NEDD9: variants seen among roughly 807,000 people sequenced by gnomAD.
NEDD9 encodes neural precursor cell expressed, developmentally down-regulated 9, also known as enhancer of filamentation 1.
A neutral mutation model predicts 76.6 loss-of-function variants in NEDD9; 26 were observed. That is an observed-to-expected ratio of 0.34 (90% CI 0.25 to 0.47). The LOEUF (loss-of-function observed/expected upper bound fraction) is 0.47. NEDD9 is among the 20% of genes least tolerant of loss of function. The pLI is 1.00. For synonymous variants in NEDD9, 392 were observed against 414.2 expected (o/e 0.95, Z 0.65); for missense variants, 937 against 1,058.5 (o/e 0.89, Z 1.59).
intron 2 of NEDD9, among the ~76,000 whole-genome samples, chr6:11,316,961 T>C (rs1392626865): frequency 2.6e-5 from 4 of 152,222 alleles, no homozygotes; most frequent in African/African-American, 9.6e-5. Context: ...ATGCGGCATG[T>C]TAAGTTCCAG....
At chr6:11,279,921 G>T (rs1434396447) in intron 3 of NEDD9, among the ~76,000 whole-genome samples, 1 of 152,146 alleles carries the variant, frequency 6.6e-6, no homozygotes, top group Non-Finnish European at 1.5e-5. Flanking sequence ...AAACAAAGAT[G>T]TCCCAGAGAA....
chr6:11,378,630 CT>C (rs373826875), intron 1 of NEDD9, among the ~76,000 whole-genome samples: 1 of 152,042 alleles, frequency 6.6e-6, no homozygotes, highest in Non-Finnish European at 1.5e-5. Context: ...CTTATATATA[CT>C]TTTTTGTAGT....
chr6:11,262,359 G>C (rs913841840), intron 3 of NEDD9, among the ~76,000 whole-genome samples: 1 of 152,196 alleles, frequency 6.6e-6, no homozygotes, highest in Non-Finnish European at 1.5e-5. Context: ...CATTCTACTG[G>C]CCTAGCTGAA....
At chr6:11,361,179 C>T (rs1386982080) in intron 1 of NEDD9, among the ~76,000 whole-genome samples, 1 of 152,128 alleles carries the variant, frequency 6.6e-6, no homozygotes, top group Non-Finnish European at 1.5e-5. Context: ...GCTCAGACAG[C>T]AGTGTCAGGG....
chr6:11,330,172 A>G (rs902329739), intron 2 of NEDD9, among the ~76,000 whole-genome samples: 3 of 152,186 alleles, frequency 2.0e-5, no homozygotes, highest in Non-Finnish European at 4.4e-5. Context: ...ACGAGTCCAT[A>G]CAGCGGGAGC....
At chr6:11,326,464 T>C (rs955875706) in intron 2 of NEDD9, among the ~76,000 whole-genome samples, 4 of 152,268 alleles carry the variant, frequency 2.6e-5, no homozygotes, top group Non-Finnish European at 5.9e-5. Context: ...TACATTTTCT[T>C]ATGGGAAATA....
At chr6:11,224,355 G>A (rs1401317598) in intron 1 of NEDD9, among the ~76,000 whole-genome samples, 8 of 152,132 alleles carry the variant, frequency 5.3e-5, no homozygotes, top group East Asian at 3.8e-4. Context: ...GGAGGCTGTC[G>A]GGCTGCGTTC....
intron 5 of NEDD9, among the ~76,000 whole-genome samples, chr6:11,188,679 T>C (rs1758043029): frequency 2.0e-5 from 3 of 152,166 alleles, no homozygotes; most frequent in Admixed American, 6.5e-5. Flanking sequence ...CCTCAAATCA[T>C]CTATAGATTT....
chr6:11,232,421 A>G, intron 1 of NEDD9, 83 bp downstream of exon 1: 1 of 1,536,144 alleles, frequency 6.5e-7, no homozygotes, highest in Non-Finnish European at 9.0e-7. Context: ...AGGGACTGAC[A>G]GTAAGGAACA....
chr6:11,344,161 G>T (rs114433095), intron 1 of NEDD9, among the ~76,000 whole-genome samples: 3 of 152,138 alleles, frequency 2.0e-5, no homozygotes, highest in Non-Finnish European at 4.4e-5. Context: ...TGACACTTGG[G>T]TTGCATACAT....
At chr6:11,261,041 A>G (rs1241316701) in intron 3 of NEDD9, among the ~76,000 whole-genome samples, 1 of 152,172 alleles carries the variant, frequency 6.6e-6, no homozygotes, top group African/African-American at 2.4e-5. Context: ...GACTATAAAA[A>G]CGAAGCCATT....
intron 1 of NEDD9, among the ~76,000 whole-genome samples, chr6:11,372,726 A>T (rs181222408): frequency 6.6e-6 from 1 of 152,220 alleles, no homozygotes; most frequent in East Asian, 1.9e-4. Context: ...TGTAGTTTTG[A>T]TTTGCATTTC....
At chr6:11,192,561 T>G (rs1007551338) in intron 3 of NEDD9, 115 bp from the exon 4 acceptor site, 1 of 682,316 alleles carries the variant, frequency 1.5e-6, no homozygotes, top group South Asian at 1.9e-5. Flanking sequence ...AAGCTTGATC[T>G]TTGGCAGTGC....
chr6:11,368,585 C>A (rs1220877911), intron 1 of NEDD9, among the ~76,000 whole-genome samples: 1 of 152,194 alleles, frequency 6.6e-6, no homozygotes, highest in Non-Finnish European at 1.5e-5. Context: ...GAAGGGTCTA[C>A]AGAATAATAA....
intron 3 of NEDD9, among the ~76,000 whole-genome samples, chr6:11,247,552 T>G (rs2113300368): frequency 6.6e-6 from 1 of 152,284 alleles, no homozygotes; most frequent in South Asian, 2.1e-4. Flanking sequence ...CAGAACTTTT[T>G]CATCACTCCA....
chr6:11,359,616 C>A (rs1561847096), intron 1 of NEDD9, among the ~76,000 whole-genome samples: 1 of 152,240 alleles, frequency 6.6e-6, no homozygotes, highest in Non-Finnish European at 1.5e-5. Context: ...AGAAGGATGA[C>A]TGGAAGTCAT....
intron 2 of NEDD9, among the ~76,000 whole-genome samples, chr6:11,329,066 A>G (rs908532089): frequency 3.3e-5 from 5 of 152,204 alleles, no homozygotes; most frequent in African/African-American, 1.2e-4. Context: ...GCATGACATC[A>G]TGTTCAGGAG....
At chr6:11,206,236 T>C (rs1268793417) in intron 2 of NEDD9, among the ~76,000 whole-genome samples, 6 of 151,976 alleles carry the variant, frequency 3.9e-5, no homozygotes, top group Non-Finnish European at 5.9e-5. Context: ...CTGACCAATA[T>C]GATGAAACCC....
At position 11,185,252 on chromosome 6, in the gene NEDD9, C is replaced by T. The variant is rs775371935; in HGVS notation, c.2415G>A (p.Thr805=). 1.9e-6 allele frequency: 3 copies of T among 1,613,938 alleles called. No homozygotes were observed. The highest frequency in any genetic ancestry group is 1.1e-5 in the South Asian group (1 of 91,076). ...KMAALHYPST[T]ALQEMVHQVT... ...CTTGGTGCACCATTTCCTGCAGGGC[C>T]GTGGTGCTGGGGTAATGGAGGGCGG... The change falls in exon 7 of 7, where the codon ACG becomes ACA. Residue 805 remains threonine, a synonymous_variant. Coordinates refer to ENST00000379446, the MANE Select transcript of NEDD9 (RefSeq NM_006403.4).
Sources: gnomAD v4.1 joint callset for allele counts (sites outside exome capture counted in the v4.1 genomes callset) on GRCh38, gnomAD v4.1.1 for gene constraint, MANE v1.5 for transcripts, NCBI Gene and HGNC (gene_info 2026-07-23, HGNC 2026-07-21) for gene names.